DCAF4: variants seen among roughly 807,000 people sequenced by gnomAD.
DCAF4 encodes the protein DDB1 and CUL4 associated factor 4.
Under a neutral mutation model 60.9 loss-of-function variants are expected in DCAF4, and 37 were observed. The ratio of observed to expected loss-of-function variants is 0.61; its 90% CI spans 0.47 to 0.80. DCAF4 has a LOEUF of 0.80. DCAF4 is among the 30% of genes least tolerant of loss of function. DCAF4 has a pLI of 0.00. For synonymous variants in DCAF4, 243 were observed against 254.8 expected (o/e 0.95, Z 0.44); for missense variants, 577 against 650.0 (o/e 0.89, Z 1.22).
rs756367598 is a variant in DCAF4, at chr14:72,958,830, A to T, written c.*25A>T. The T allele has an allele frequency of 9.2e-6, 14 of 1,521,152 alleles. No individual in the cohort carries two copies. The highest frequency in any genetic ancestry group is 1.2e-5 in the Non-Finnish European group (14 of 1,136,820). 94.2% of individuals were successfully genotyped at this position (1,521,152 alleles called of 1,614,324 possible). On this transcript the variant is annotated 3_prime_UTR_variant, in exon 14 of 14. Transcript: ENST00000358377. Reference sequence around the variant, plus strand: ...ATTCTGCAGGGCACAGCCCAGAGCCATGTGGATTTGACTTACGGGAGTAAA... The same window carrying T: ...ATTCTGCAGGGCACAGCCCAGAGCCTTGTGGATTTGACTTACGGGAGTAAA...
chr14:72,956,825 G>A (rs994897132), intron 13 of DCAF4: 10 of 299,818 alleles, frequency 3.3e-5, no homozygotes, highest in Non-Finnish European at 5.7e-5. Flanking sequence ...ATTCCACCAC[G>A]CAACTATCTT....
In DCAF4 at chr14:72,954,432, G is replaced by T. The variant is rs756696836; in HGVS notation, c.954G>T (p.Arg318=). 7.4e-6 allele frequency: 12 copies of T among 1,614,220 alleles called. No homozygotes were observed. Among genetic ancestry groups the T allele is most frequent in the Non-Finnish European group, 1.0e-5 (12 of 1,180,032 alleles). ...TGACCAACGTGGTGACGGGACACCG[G>T]CAGTCCTTTGGGACCAACAGTGATG... ...VLLTNVVTGH[R]QSFGTNSDVL... The change falls in exon 11 of 14, where the codon CGG becomes CGT. Residue 318 remains arginine (R), a synonymous_variant. Transcript: ENST00000358377.
chr14:72,951,998 T>G, intron 9 of DCAF4, 121 bp downstream of exon 9: 1 of 1,035,836 alleles, frequency 9.7e-7, no homozygotes, highest in Non-Finnish European at 1.5e-6. Flanking sequence ...CCTAAGCCTG[T>G]CCCAGGGTTA....
chr14:72,938,984 T>C (rs1889668288), intron 2 of DCAF4, among the ~76,000 whole-genome samples: 1 of 151,948 alleles, frequency 6.6e-6, no homozygotes, highest in African/African-American at 2.4e-5. Flanking sequence ...TCCTTCTGCC[T>C]CAGCCTCCCA....
chr14:72,953,732 A>ATATATATATATAT (rs1200407934), intron 9 of DCAF4, among the ~76,000 whole-genome samples: 7 of 21,760 alleles, frequency 3.2e-4, no homozygotes, highest in African/African-American at 1.2e-3. Flanking sequence ...AAAAAAAAAA[A>ATATATATATATAT]ATATATATAT....
At chr14:72,938,211 C>A in intron 2 of DCAF4, 141 bp downstream of exon 2, 1 of 1,220,650 alleles carries the variant, frequency 8.2e-7, no homozygotes, top group Non-Finnish European at 1.1e-6. Context: ...TCTGAGGGGT[C>A]TTGAGGAGAG....
At chr14:72,935,960 T>C (rs545059659) in intron 1 of DCAF4, among the ~76,000 whole-genome samples, 2 of 147,158 alleles carry the variant, frequency 1.4e-5, no homozygotes, top group East Asian at 1.9e-4. Flanking sequence ...CTATCAGTCT[T>C]TTTCTCTTTT....
intron 11 of DCAF4, among the ~76,000 whole-genome samples, 165 bp from the exon 12 acceptor site, chr14:72,955,358 A>C (rs1331030545): frequency 6.6e-6 from 1 of 152,050 alleles, no homozygotes; most frequent in South Asian, 2.1e-4. Context: ...ACAAGGAATC[A>C]TCCTCCCTTC....
chr14:72,949,347 T>C (rs1490988618), intron 8 of DCAF4, among the ~76,000 whole-genome samples: 1 of 152,148 alleles, frequency 6.6e-6, no homozygotes, highest in Non-Finnish European at 1.5e-5. Context: ...TTCCAGGTAC[T>C]CAGGAAGCTG....
intron 8 of DCAF4, among the ~76,000 whole-genome samples, chr14:72,951,083 C>T (rs1244006993): frequency 1.3e-5 from 2 of 152,018 alleles, no homozygotes; most frequent in African/African-American, 4.8e-5. Context: ...AAGGCTCAAG[C>T]AATCCTCCCA....
chr14:72,944,747 G>A (rs981391623), intron 6 of DCAF4, among the ~76,000 whole-genome samples: 6 of 152,012 alleles, frequency 3.9e-5, no homozygotes, highest in Admixed American at 1.3e-4. Flanking sequence ...AGCCATGATT[G>A]TGCCACCACA....
intron 11 of DCAF4, among the ~76,000 whole-genome samples, chr14:72,955,127 T>C (rs1045380686): frequency 3.4e-5 from 5 of 145,802 alleles, no homozygotes; most frequent in African/African-American, 1.2e-4. Flanking sequence ...AAAAAAAAAT[T>C]GTGGTCATTA....
Position 72,943,125 on chromosome 14 carries a change from G to A in DCAF4, c.534+29G>A, listed in dbSNP as rs550246970. ...AGTGGGAGGGGGACACCTGCCTAGG[G>A]TGTGGCTGCCACCCTCTGGACACTT... On this transcript the variant is annotated intron_variant, in intron 6 of 13. Coordinates refer to ENST00000358377, the MANE Select transcript of DCAF4 (RefSeq NM_015604.4). The A allele has an allele frequency of 2.1e-4, 334 of 1,603,280 alleles. 10 individuals carry two copies. In the South Asian group the frequency reaches 3.5e-3, roughly 17 times the overall value.
intron 5 of DCAF4, 71 bp downstream of exon 5, chr14:72,941,895 A>G (rs1890095993): frequency 6.5e-7 from 1 of 1,541,608 alleles, no homozygotes; most frequent in Non-Finnish European, 9.0e-7. Flanking sequence ...TCATGGTATA[A>G]GAATCCAGTC....
chr14:72,937,059 T>C (rs981694778), intron 1 of DCAF4, among the ~76,000 whole-genome samples: 4 of 152,076 alleles, frequency 2.6e-5, no homozygotes, highest in Non-Finnish European at 4.4e-5. Flanking sequence ...TCAACTGCAG[T>C]GGGTTGAGGA....
chr14:72,935,902 T>C (rs1270587617), intron 1 of DCAF4, among the ~76,000 whole-genome samples: 1 of 152,236 alleles, frequency 6.6e-6, no homozygotes, highest in Non-Finnish European at 1.5e-5. Flanking sequence ...GACCTTTTTA[T>C]AGAGTTGGTA....
intron 3 of DCAF4, 115 bp from the exon 4 acceptor site, chr14:72,940,105 C>G: frequency 7.0e-7 from 1 of 1,429,486 alleles, no homozygotes; most frequent in South Asian, 1.2e-5. Context: ...CAGCTCATCC[C>G]CGCCCTCAGA....
chr14:72,950,785 A>G (rs1391492263), intron 8 of DCAF4, among the ~76,000 whole-genome samples: 2 of 147,418 alleles, frequency 1.4e-5, no homozygotes, highest in Non-Finnish European at 3.0e-5. Flanking sequence ...GTAGTGAGAT[A>G]TTCCATGCAA....
chr14:72,950,599 G>A (rs548204978), intron 8 of DCAF4, among the ~76,000 whole-genome samples: 3 of 152,118 alleles, frequency 2.0e-5, no homozygotes, highest in East Asian at 1.9e-4. Flanking sequence ...GAGGAACCGC[G>A]TCAGTCAAAA....
Sources: gnomAD v4.1 joint callset for allele counts (sites outside exome capture counted in the v4.1 genomes callset) on GRCh38, gnomAD v4.1.1 for gene constraint, MANE v1.5 for transcripts, NCBI Gene and HGNC (gene_info 2026-07-23, HGNC 2026-07-21) for gene names.